The following NSF variants were observed in gnomAD, a reference collection of about 807,000 sequenced individuals.
NSF encodes N-ethylmaleimide sensitive factor, vesicle fusing ATPase.
In NSF, 14 loss-of-function variants were observed where a neutral mutation model predicts 50.3. The ratio of observed to expected loss-of-function variants is 0.28; its 90% CI spans 0.18 to 0.44. The LOEUF (loss-of-function observed/expected upper bound fraction) is 0.44. Ranked by LOEUF, NSF falls within the 20% of genes least tolerant of loss-of-function variation. NSF has a pLI of 1.00. For missense variants in NSF, 218 were observed against 504.3 expected (o/e 0.43, Z 5.44); for synonymous variants, 109 against 175.7 (o/e 0.62, Z 3.00).
intron 1 of NSF, among the ~76,000 whole-genome samples, chr17:46,606,049 C>CAT (rs1480627318): frequency 3.0e-5 from 3 of 100,292 alleles, no homozygotes; most frequent in Admixed American, 1.1e-4. Flanking sequence ...TGTGGTGGCG[C>CAT]ATGCCTGTAA....
chr17:46,697,717 C>CG (rs1568035468), intron 12 of NSF, among the ~76,000 whole-genome samples: 1 of 149,874 alleles, frequency 6.7e-6, no homozygotes, highest in Non-Finnish European at 1.5e-5. Flanking sequence ...TGTTTTGAGA[C>CG]GGAGTCTCAC....
intron 9 of NSF, among the ~76,000 whole-genome samples, chr17:46,675,484 GT>G (rs2058394853): frequency 9.1e-6 from 1 of 110,238 alleles, no homozygotes; most frequent in African/African-American, 3.9e-5. Context: ...GCTCTCCTGG[GT>G]CACCAGGTTG....
rs554822997 is a variant in NSF at position 46,708,934 on chromosome 17, C to G, written c.1471-2029C>G. On this transcript the variant is annotated intron_variant, in intron 13 of 20. Transcript: ENST00000398238. ...CCGCCTCCTGGGTTCAAGTGATTCT[C>G]CTGCCTCAGCTTCCTGAGTAGCTAG... Among the ~76,000 whole-genome samples the G allele has an allele frequency of 3.3e-5, 5 of 149,996 alleles. No individual in the cohort carries two copies. The East Asian group carries it at 9.8e-4, about 29-fold the overall frequency.
chr17:46,625,879 TAAA>T (rs147622864), intron 2 of NSF, among the ~76,000 whole-genome samples: 3 of 59,034 alleles, frequency 5.1e-5, no homozygotes, highest in African/African-American at 2.2e-4. Flanking sequence ...CCACATGTAT[TAAA>T]AAAAAAAAAA....
rs144978546 is a variant in NSF at position 46,721,368 on chromosome 17, T to A, written c.1762-5181T>A. Reference sequence around the variant, plus strand: ...GTTATTTCATGAGACACAGGCTGACTGATGCCACTCTTTCCCACATTGTTT... The same window carrying A: ...GTTATTTCATGAGACACAGGCTGACAGATGCCACTCTTTCCCACATTGTTT... On this transcript the variant is annotated intron_variant, in intron 15 of 20. Transcript: ENST00000398238. Among the ~76,000 whole-genome samples the A allele has an allele frequency of 5.3e-5, 8 of 151,492 alleles. No homozygotes were observed. The East Asian group carries it at 1.4e-3, about 26-fold the overall frequency.
At position 46,597,788 on chromosome 17, in the gene NSF, CTTTTTTTT is replaced by C. The variant is rs1162187499; in HGVS notation, c.12+7022_12+7029del. ...ATGTTTTTGTTGTTGTTGCAATACT[CTTTTTTTT>C]TTTTTTTTTTTTTTTTTTTTGAGAC... On this transcript the variant is annotated intron_variant, in intron 1 of 20. Coordinates refer to ENST00000398238, the MANE Select transcript of NSF (RefSeq NM_006178.4). Among the ~76,000 whole-genome samples, 46 of 44,220 alleles carry C rather than the reference CTTTTTTTT, an allele frequency of 1.0e-3. 1 individual carries two copies. The highest frequency in any genetic ancestry group is 5.4e-3 in the East Asian group (10 of 1,838). The allele number at this position is 44,220 out of a possible 152,430, so 29.0% of individuals were successfully genotyped here. A position where few individuals can be genotyped will look rare whatever the true frequency, so the allele number is the denominator to read the frequency against.
intron 9 of NSF, among the ~76,000 whole-genome samples, chr17:46,675,598 A>G (rs1331640083): frequency 7.6e-6 from 1 of 131,948 alleles, no homozygotes; most frequent in African/African-American, 3.1e-5. Context: ...GTGGGTGTAT[A>G]TGCATACATA....
chr17:46,721,963 T>G lies in NSF; in HGVS notation c.1762-4586T>G, dbSNP rs910933613. ...CTTGGATTTTCTGGAAAGATTTCAG[T>G]TGAGGAACGGGAACAAAGATTATGA... On this transcript the variant is annotated intron_variant, in intron 15 of 20. Transcript: ENST00000398238. 119 of 1,604,202 alleles carry G rather than the reference T, an allele frequency of 7.4e-5. No homozygotes were observed. In the African/African-American group the frequency reaches 1.5e-3, roughly 21 times the overall value.
At chr17:46,687,405 C>A (rs191610834) in intron 9 of NSF, among the ~76,000 whole-genome samples, 89 of 151,324 alleles carry the variant, frequency 5.9e-4, no homozygotes, top group Admixed American at 2.8e-3. Context: ...AACAAACAAA[C>A]AAAAAAAATT....
rs1294347854 is a variant in NSF at position 46,626,671 on chromosome 17, C to T, written c.157C>T (p.Pro53Ser). 2 of 16,726 alleles carry T rather than the reference C, an allele frequency of 1.2e-4. No individual in the cohort carries two copies. Among genetic ancestry groups the T allele is most frequent in the Admixed American group, 6.5e-4 (1 of 1,550 alleles). The allele number at this position is 16,726 out of a possible 1,614,324, so 1.0% of individuals were successfully genotyped here. The stretch of plus-strand genomic sequence containing the variant: ...GTACACATTTACACTGAAGACACAT[C>T]CATCGGTGGTTCCAGGGAGCATTGC... ...HRYTFTLKTH[P>S]SVVPGSIAFS... is the part of the protein sequence containing the mutation. The change falls in exon 3 of 21, where the codon CCA (proline) becomes TCA (serine). Residue 53 changes from proline (P) to serine (S), a missense_variant. Physicochemically the swap from Pro to Ser is moderately conservative, Grantham distance 74 (BLOSUM62 -1). Coordinates refer to ENST00000398238, the MANE Select transcript of NSF (RefSeq NM_006178.4).
At chr17:46,626,856 G>C in intron 3 of NSF, 144 bp downstream of exon 3, 2 of 14,988 alleles carry the variant, frequency 1.3e-4, no homozygotes, top group Non-Finnish European at 3.2e-4. Context: ...GGAATTTAAA[G>C]ATACAGTCTT....
intron 9 of NSF, among the ~76,000 whole-genome samples, chr17:46,685,328 T>A (rs2058487100): frequency 6.7e-6 from 1 of 149,796 alleles, no homozygotes; most frequent in Admixed American, 6.7e-5. Context: ...ATATTAATTA[T>A]AGCCAGCCTT....
chr17:46,755,721 G>GT (rs2059226388), intron 20 of NSF, 81 bp from the exon 21 acceptor site: 5 of 1,030,714 alleles, frequency 4.9e-6, no homozygotes, highest in African/African-American at 3.7e-5. Flanking sequence ...AGCTTTTAGT[G>GT]ATTTTTTTTT....
At chr17:46,740,667 T>C (rs1222742510) in intron 17 of NSF, among the ~76,000 whole-genome samples, 1 of 151,744 alleles carries the variant, frequency 6.6e-6, no homozygotes, top group Non-Finnish European at 1.5e-5. Context: ...TTTTTCTTTT[T>C]TTTTTTTTTT....
At chr17:46,718,620 A>G (rs2058797807) in intron 15 of NSF, among the ~76,000 whole-genome samples, 1 of 152,202 alleles carries the variant, frequency 6.6e-6, no homozygotes, top group Admixed American at 6.5e-5. Context: ...TCTTCACTAG[A>G]GTAGTATAAC....
intron 15 of NSF, among the ~76,000 whole-genome samples, chr17:46,722,762 ATG>A (rs1198205030): frequency 6.6e-6 from 1 of 152,252 alleles, no homozygotes; most frequent in Middle Eastern, 3.4e-3. Flanking sequence ...AGAAAAAGGG[ATG>A]TGTGTGTATG....
intron 17 of NSF, among the ~76,000 whole-genome samples, chr17:46,737,206 G>A (rs908968172): frequency 2.0e-5 from 3 of 152,142 alleles, no homozygotes; most frequent in Non-Finnish European, 4.4e-5. Flanking sequence ...TGTGCACAAG[G>A]TGGGCACAGG....
intron 17 of NSF, among the ~76,000 whole-genome samples, chr17:46,737,834 G>T (rs1223465855): frequency 1.3e-5 from 2 of 152,004 alleles, no homozygotes. Context: ...CAGGGCCATT[G>T]TGCCATGCTA....
At chr17:46,679,760 A>C (rs565733581) in intron 9 of NSF, among the ~76,000 whole-genome samples, 48 of 152,090 alleles carry the variant, frequency 3.2e-4, no homozygotes, top group Admixed American at 5.9e-4. Flanking sequence ...AAAGTTGTAC[A>C]TTGTGCCCAA....
Sources: allele counts gnomAD v4.1 joint callset (sites outside exome capture counted in the v4.1 genomes callset), GRCh38; gene constraint gnomAD v4.1.1; transcripts MANE v1.5; gene names NCBI Gene and HGNC (gene_info 2026-07-23, HGNC 2026-07-21).